The following SAMD3 variants were observed in gnomAD, a reference collection of about 807,000 sequenced individuals.
SAMD3 encodes sterile alpha motif domain-containing protein 3.
SAMD3 carries 63 observed loss-of-function variants against 58.5 expected under a neutral mutation model. That is an observed-to-expected ratio of 1.08 (90% CI 0.88 to 1.33). SAMD3 has a LOEUF of 1.33. Among genes scored for constraint, SAMD3 ranks in the 40% most tolerant of loss-of-function variants. The probability of loss-of-function intolerance (pLI) is 0.00; values close to 1 mark genes in which losing one functional copy is unlikely to be tolerated. For synonymous variants in SAMD3, 220 were observed against 210.3 expected, an observed-to-expected ratio of 1.05 and a Z score of -0.40; for missense variants, 604 against 608.4, an observed-to-expected ratio of 0.99 and a Z score of 0.08.
intron 2 of SAMD3, among the ~76,000 whole-genome samples, chr6:130,256,317 T>C (rs1314012131): frequency 6.6e-6 from 1 of 152,150 alleles, no homozygotes; most frequent in Non-Finnish European, 1.5e-5. Context: ...ATAGAATGAT[T>C]TGCTATTTTA....
chr6:130,216,663 T>C (rs1796020856), intron 1 of SAMD3, 47 bp from the exon 2 acceptor site: 1 of 152,202 alleles, frequency 6.6e-6, no homozygotes, highest in African/African-American at 2.4e-5. Context: ...TAATCATAAG[T>C]GTTCACAAAC....
intron 8 of SAMD3, among the ~76,000 whole-genome samples, chr6:130,168,862 G>A (rs767721469): frequency 5.9e-5 from 9 of 152,088 alleles, no homozygotes; most frequent in Non-Finnish European, 1.2e-4. Context: ...GAGTGCAGTG[G>A]TGCATTCTCA....
chr6:130,313,110 G>A (rs1456193167), intron 1 of SAMD3: 7 of 152,158 alleles, frequency 4.6e-5, no homozygotes, highest in Admixed American at 1.3e-4. Context: ...AAACACAGAA[G>A]GCCAAGACTC....
intron 2 of SAMD3, among the ~76,000 whole-genome samples, chr6:130,309,239 C>G (rs1002628267): frequency 6.6e-6 from 1 of 152,174 alleles, no homozygotes; most frequent in East Asian, 1.9e-4. Flanking sequence ...TGTGGGGAAA[C>G]TAGAATGTGA....
rs138716306 is a variant in SAMD3, at chr6:130,260,648, G to A, written c.-187-37835C>T. 1.3e-4 allele frequency among the ~76,000 whole-genome samples: 20 copies of A among 152,310 alleles called. No individual in the cohort carries two copies. The East Asian group carries it at 2.7e-3, about 21-fold the overall frequency. ...CTGACCGGGAAGCAAGGTGATTGGC[G>A]AATGGTCGAGGCAGCTCCTTAGGTG... On this transcript the variant is annotated intron_variant, in intron 2 of 13. Coordinates refer to the SAMD3 transcript ENST00000368134.
chr6:130,148,371 T>A (rs1788832438), intron 9 of SAMD3, among the ~76,000 whole-genome samples: 1 of 152,182 alleles, frequency 6.6e-6, no homozygotes, highest in Non-Finnish European at 1.5e-5. Flanking sequence ...CCAGTAGGAG[T>A]CGCTTCAAAC....
At chr6:130,181,930 T>C (rs1462789128) in intron 7 of SAMD3, among the ~76,000 whole-genome samples, 1 of 151,732 alleles carries the variant, frequency 6.6e-6, no homozygotes, top group Non-Finnish European at 1.5e-5. Flanking sequence ...CTGGGCGTGG[T>C]GGGGGGCACC....
intron 2 of SAMD3, among the ~76,000 whole-genome samples, chr6:130,289,490 GA>G (rs143868278): frequency 0.042 from 5,528 of 131,310 alleles, 326 homozygotes; most frequent in African/African-American, 0.13. Flanking sequence ...AAAAGGTAAA[GA>G]AAAAAAAATA....
At chr6:130,151,716 C>T (rs1339960260) in intron 9 of SAMD3, among the ~76,000 whole-genome samples, 1 of 152,220 alleles carries the variant, frequency 6.6e-6, no homozygotes, top group Admixed American at 6.5e-5. Flanking sequence ...GCTGGGATTA[C>T]AGGCATGAGC....
chr6:130,345,993 T>C (rs553238290), intron 1 of SAMD3, among the ~76,000 whole-genome samples: 18 of 152,250 alleles, frequency 1.2e-4, no homozygotes, highest in Non-Finnish European at 1.9e-4. Context: ...TAGGTTGTTA[T>C]GACAGGCTGA....
chr6:130,282,748 T>C (rs988225490), intron 2 of SAMD3, among the ~76,000 whole-genome samples: 2 of 152,232 alleles, frequency 1.3e-5, no homozygotes, highest in African/African-American at 4.8e-5. Flanking sequence ...TCCAAACTTG[T>C]GTTTCATGCA....
Position 130,320,584 on chromosome 6 carries a change from T to G in SAMD3, c.-303-7491A>C, listed in dbSNP as rs572733461. On this transcript the variant is annotated intron_variant, in intron 1 of 13. Coordinates refer to the SAMD3 transcript ENST00000368134. ...AAAAAGATTTGCACATGAATGTTTA[T>G]AGCAACTTTGTTTGTAACGGCCCCA... Among the ~76,000 whole-genome samples, 6 of 152,330 alleles carry G rather than the reference T, an allele frequency of 3.9e-5. No individual in the cohort carries two copies. The East Asian group carries it at 1.2e-3, about 29-fold the overall frequency.
chr6:130,327,071 T>C (rs1776782995), intron 1 of SAMD3, among the ~76,000 whole-genome samples: 1 of 152,224 alleles, frequency 6.6e-6, no homozygotes, highest in African/African-American at 2.4e-5. Context: ...TTCTTCCCAG[T>C]ATGTACCTCA....
At chr6:130,150,245 G>C (rs994823220) in intron 9 of SAMD3, among the ~76,000 whole-genome samples, 4 of 152,210 alleles carry the variant, frequency 2.6e-5, no homozygotes, top group African/African-American at 9.7e-5. Flanking sequence ...GACTGGTGGA[G>C]TGGCCTGTTG....
intron 5 of SAMD3, among the ~76,000 whole-genome samples, chr6:130,192,907 C>T (rs1215619812): frequency 1.3e-5 from 2 of 152,202 alleles, no homozygotes; most frequent in African/African-American, 4.8e-5. Flanking sequence ...CACTATCCCT[C>T]AACCTCTTTC....
intron 2 of SAMD3, among the ~76,000 whole-genome samples, chr6:130,263,264 A>C (rs1774206583): frequency 6.6e-6 from 1 of 152,180 alleles, no homozygotes; most frequent in Admixed American, 6.5e-5. Flanking sequence ...CAAAAGATCA[A>C]TTTCTTAAAA....
chr6:130,148,256 T>C (rs1164345736), intron 9 of SAMD3, among the ~76,000 whole-genome samples: 3 of 152,254 alleles, frequency 2.0e-5, no homozygotes, highest in Non-Finnish European at 4.4e-5. Context: ...TATATTTACT[T>C]ACTTATTTCT....
At chr6:130,208,043 C>A (rs1032126995) in intron 5 of SAMD3, among the ~76,000 whole-genome samples, 2 of 152,192 alleles carry the variant, frequency 1.3e-5, no homozygotes, top group African/African-American at 4.8e-5. Flanking sequence ...AACAACAGTC[C>A]ACTTGGAAAA....
upstream of SAMD3, among the ~76,000 whole-genome samples, chr6:130,226,373 A>G (rs1796382565): frequency 6.6e-6 from 1 of 152,202 alleles, no homozygotes; most frequent in African/African-American, 2.4e-5. Context: ...AATCATTACC[A>G]TTGATTCTTA....
Sources: gnomAD v4.1 joint callset for allele counts (sites outside exome capture counted in the v4.1 genomes callset) on GRCh38, gnomAD v4.1.1 for gene constraint, MANE v1.5 for transcripts, NCBI Gene and HGNC (gene_info 2026-07-23, HGNC 2026-07-21) for gene names.